SPAST: variants seen among roughly 807,000 people sequenced by gnomAD.
The protein encoded by SPAST is spastic paraplegia 4 (autosomal dominant; spastin).
In SPAST, 30 loss-of-function variants were observed where a neutral mutation model predicts 76.6. The ratio of observed to expected loss-of-function variants is 0.39; its 90% CI spans 0.29 to 0.53. SPAST has a LOEUF of 0.53. Ranked by LOEUF, SPAST falls within the 20% of genes least tolerant of loss-of-function variation. The probability of loss-of-function intolerance (pLI) is 0.68; values close to 1 mark genes in which losing one functional copy is unlikely to be tolerated. For missense variants in SPAST, 717 were observed against 770.5 expected, an observed-to-expected ratio of 0.93 and a Z score of 0.82; for synonymous variants, 305 against 281.0, an observed-to-expected ratio of 1.09 and a Z score of -0.86.
chr2:32,089,199 A>ATTTTTTTTTTT lies in SPAST; in HGVS notation c.503-314_503-304dup, dbSNP rs375585004. On this transcript the variant is annotated intron_variant, in intron 2 of 16. Coordinates refer to ENST00000315285, the MANE Select transcript of SPAST (RefSeq NM_014946.4). Reference sequence around the variant, plus strand: ...CAACTCACCCTCCCATGCTCGGCTAATTTTTTTTTTTTTTTTTTTAAGTAG... The same window carrying ATTTTTTTTTTT: ...CAACTCACCCTCCCATGCTCGGCTAATTTTTTTTTTTTTTTTTTTTTTTTTTTTTTAAGTAG... 2.2e-4 allele frequency among the ~76,000 whole-genome samples: 20 copies of ATTTTTTTTTTT among 89,882 alleles called. 1 individual carries two copies. Among genetic ancestry groups the ATTTTTTTTTTT allele is most frequent in the African/African-American group, 5.6e-4 (14 of 24,846 alleles). 59.0% of individuals were successfully genotyped at this position (89,882 alleles called of 152,430 possible).
intron 3 of SPAST, among the ~76,000 whole-genome samples, chr2:32,090,043 C>T (rs1028200225): frequency 1.4e-4 from 22 of 152,316 alleles, no homozygotes; most frequent in Admixed American, 1.4e-3. Flanking sequence ...GAGTTACAGG[C>T]GTGAGCCAAC....
chr2:32,116,354 T>C, intron 7 of SPAST, 142 bp downstream of exon 7: 1 of 642,888 alleles, frequency 1.6e-6, no homozygotes, highest in Non-Finnish European at 2.7e-6. Context: ...TTAAAAAAGA[T>C]AAAACATTAA....
chr2:32,128,906 GTCTTTA>G, intron 9 of SPAST: 1 of 222,156 alleles, frequency 4.5e-6, no homozygotes. Context: ...TCCTATCTCT[GTCTTTA>G]TCTTTATGTG....
At chr2:32,148,721 G>A (rs1354926492) in intron 16 of SPAST, among the ~76,000 whole-genome samples, 1 of 151,794 alleles carries the variant, frequency 6.6e-6, no homozygotes, top group African/African-American at 2.4e-5. Flanking sequence ...TGAGGCAGGA[G>A]AATGGCGTGA....
intron 3 of SPAST, among the ~76,000 whole-genome samples, chr2:32,090,954 T>C (rs11676938): frequency 0.4 from 61,494 of 151,854 alleles, 12,801 homozygotes; most frequent in East Asian, 0.64. Flanking sequence ...ATGACTGATG[T>C]CCAGTGATAC....
chr2:32,136,077 CAAAAAAAAAAAG>C (rs1679526535), intron 9 of SPAST, among the ~76,000 whole-genome samples: 2 of 88,948 alleles, frequency 2.2e-5, no homozygotes, highest in Admixed American at 1.3e-4. Flanking sequence ...AACTCTGTCT[CAAAAAAAAAAAG>C]GAAAAAAAAA....
At position 32,138,193 on chromosome 2, in the gene SPAST, G is replaced by C. The variant is rs531385780; in HGVS notation, c.1493+1005G>C. On this transcript the variant is annotated intron_variant, in intron 12 of 16. Transcript: ENST00000315285. ...TATATACCCAGTAATGGGATTTCAG[G>C]GTCAAAGGTAGATTTGTTTTATGTT... Among the ~76,000 whole-genome samples the C allele has an allele frequency of 4.6e-5, 7 of 152,014 alleles. No homozygotes were observed. In the East Asian group the frequency reaches 1.3e-3, roughly 29 times the overall value.
chr2:32,091,963 A>G (rs910549336), intron 3 of SPAST, among the ~76,000 whole-genome samples: 10 of 152,330 alleles, frequency 6.6e-5, no homozygotes, highest in African/African-American at 2.4e-4. Context: ...TGACCATTGA[A>G]TTATTAAAGG....
intron 1 of SPAST, among the ~76,000 whole-genome samples, chr2:32,080,428 A>AGATAATGTAGTTCCACTATTGGCT (rs1677172061): frequency 6.6e-6 from 1 of 151,258 alleles, no homozygotes; most frequent in Admixed American, 6.6e-5. Context: ...GGCATGCATT[A>AGATAATGTAGTTCCACTATTGGCT]GATAATGTAG....
At position 32,063,924 on chromosome 2, in the gene SPAST, C is replaced by CGCCCCTCCCGCCGCCGGGCCG. The variant is rs1558605460; in HGVS notation, c.102_122dup (p.Ala35_Pro41dup). 1.6e-5 allele frequency: 26 copies of CGCCCCTCCCGCCGCCGGGCCG among 1,592,832 alleles called. 1 individual carries two copies. The highest frequency in any genetic ancestry group is 3.8e-4 in the Middle Eastern group (2 of 5,310). On this transcript the variant is annotated inframe_insertion, in exon 1 of 17. Coordinates refer to ENST00000315285, the MANE Select transcript of SPAST (RefSeq NM_014946.4). ...GGCCTCCGCCCCCTTGCCTGGCCCCCGCCCCTCCCGCCGCCGGGCCGGCCC... is the reference window on the plus strand; with the variant it reads ...GGCCTCCGCCCCCTTGCCTGGCCCCCGCCCCTCCCGCCGCCGGGCCGGCCCCTCCCGCCGCCGGGCCGGCCC...
intron 9 of SPAST, among the ~76,000 whole-genome samples, chr2:32,131,933 A>G (rs1679383097): frequency 6.6e-6 from 1 of 151,918 alleles, no homozygotes; most frequent in African/African-American, 2.4e-5. Flanking sequence ...GTGCTGGATT[A>G]TAGGCGTAAG....
intron 3 of SPAST, among the ~76,000 whole-genome samples, chr2:32,097,425 C>G (rs1165275539): frequency 6.6e-6 from 1 of 152,132 alleles, no homozygotes; most frequent in African/African-American, 2.4e-5. Context: ...TCCCTAGAGG[C>G]GGCTGTTATT....
At chr2:32,073,485 T>G (rs1488110079) in intron 1 of SPAST, among the ~76,000 whole-genome samples, 2 of 152,224 alleles carry the variant, frequency 1.3e-5, no homozygotes, top group African/African-American at 2.4e-5. Context: ...CTTCACTCTT[T>G]TTTTTAAAAA....
chr2:32,130,736 A>AAAATC (rs1241532457), intron 9 of SPAST: 1 of 152,408 alleles, frequency 6.6e-6, no homozygotes, highest in Non-Finnish European at 1.5e-5. Context: ...AAAAAAAAAA[A>AAAATC]AAATCCAGAG....
intron 4 of SPAST, among the ~76,000 whole-genome samples, chr2:32,103,984 C>G (rs1206551380): frequency 6.6e-6 from 1 of 152,024 alleles, no homozygotes; most frequent in Non-Finnish European, 1.5e-5. Context: ...CTATTAGGTC[C>G]ACTTGGTGCA....
intron 12 of SPAST, among the ~76,000 whole-genome samples, chr2:32,140,943 G>GTTTT (rs35964074): frequency 8.5e-6 from 1 of 117,214 alleles, no homozygotes; most frequent in Non-Finnish European, 1.9e-5. Flanking sequence ...TGTTGTTGTT[G>GTTTT]TTTTTTTTTT....
intron 4 of SPAST, 39 bp downstream of exon 4, chr2:32,098,930 C>A: frequency 7.5e-7 from 1 of 1,330,624 alleles, no homozygotes; most frequent in Non-Finnish European, 1.1e-6. Context: ...ATAAAGCTTG[C>A]ATGCAAAGTA....
chr2:32,086,819 TAG>T (rs1267675912), intron 1 of SPAST, among the ~76,000 whole-genome samples: 3 of 152,106 alleles, frequency 2.0e-5, no homozygotes, highest in Non-Finnish European at 4.4e-5. Context: ...TCAAAAATAA[TAG>T]AAATAAAACA....
At chr2:32,073,278 C>CT (rs1291570144) in intron 1 of SPAST, among the ~76,000 whole-genome samples, 2 of 152,158 alleles carry the variant, frequency 1.3e-5, no homozygotes, top group African/African-American at 4.8e-5. Flanking sequence ...AGTGATCTGC[C>CT]TGTGTTGGCC....
Sources: allele counts gnomAD v4.1 joint callset (sites outside exome capture counted in the v4.1 genomes callset), GRCh38; gene constraint gnomAD v4.1.1; transcripts MANE v1.5; gene names NCBI Gene and HGNC (gene_info 2026-07-23, HGNC 2026-07-21).